PCSK5: variants seen among roughly 807,000 people sequenced by gnomAD.
The protein encoded by PCSK5 is prohormone convertase 5.
A neutral mutation model predicts 233.2 loss-of-function variants in PCSK5; 129 were observed. The ratio of observed to expected loss-of-function variants is 0.55; its 90% CI spans 0.48 to 0.64. The LOEUF is 0.64. Ranked by LOEUF, PCSK5 falls within the 30% of genes least tolerant of loss-of-function variation. PCSK5 has a pLI of 0.00. For synonymous variants in PCSK5, 825 were observed against 879.2 expected (o/e 0.94, Z 1.09); for missense variants, 2,076 against 2,430.1 (o/e 0.85, Z 3.06).
At chr9:76,310,522 A>G (rs1828834524) in intron 29 of PCSK5, 134 bp from the exon 30 acceptor site, 1 of 504,414 alleles carries the variant, frequency 2.0e-6, no homozygotes, top group Non-Finnish European at 3.4e-6. Context: ...ACTTAGCATC[A>G]CTAGCAAATA....
chr9:75,987,958 T>C (rs998995044), intron 3 of PCSK5, among the ~76,000 whole-genome samples: 1 of 152,190 alleles, frequency 6.6e-6, no homozygotes, highest in Non-Finnish European at 1.5e-5. Flanking sequence ...AACTATCTAG[T>C]AGCTTTCCCT....
At chr9:76,257,975 G>A (rs1371510380) in intron 24 of PCSK5, among the ~76,000 whole-genome samples, 1 of 152,142 alleles carries the variant, frequency 6.6e-6, no homozygotes, top group Non-Finnish European at 1.5e-5. Flanking sequence ...TATTAGGTGA[G>A]ACAAGTGAAT....
At chr9:76,027,626 T>C (rs1288687764) in intron 5 of PCSK5, among the ~76,000 whole-genome samples, 3 of 141,030 alleles carry the variant, frequency 2.1e-5, no homozygotes, top group Admixed American at 7.7e-5. Flanking sequence ...CGTTTACTAC[T>C]GTGGTTTTTA....
intron 22 of PCSK5, among the ~76,000 whole-genome samples, chr9:76,238,237 G>C (rs1157935944): frequency 6.6e-6 from 1 of 152,204 alleles, no homozygotes; most frequent in Non-Finnish European, 1.5e-5. Flanking sequence ...AGAATCCTTT[G>C]TAACTAATTG....
chr9:76,182,956 G>A (rs541063560), intron 16 of PCSK5, among the ~76,000 whole-genome samples: 28 of 152,316 alleles, frequency 1.8e-4, no homozygotes, highest in African/African-American at 6.3e-4. Context: ...ATTTCTCTGT[G>A]AGGCAGAGAG....
At chr9:76,123,861 A>C (rs1278127423) in intron 9 of PCSK5, among the ~76,000 whole-genome samples, 1 of 152,212 alleles carries the variant, frequency 6.6e-6, no homozygotes, top group Non-Finnish European at 1.5e-5. Context: ...ATTTCTTTTA[A>C]ATCAGTTCAA....
chr9:76,270,151 C>T (rs779901999), intron 24 of PCSK5, among the ~76,000 whole-genome samples: 7 of 151,810 alleles, frequency 4.6e-5, no homozygotes, highest in African/African-American at 7.3e-5. Context: ...ACCAGCAATT[C>T]GGGCAAAAAT....
At chr9:76,310,308 G>T (rs910980812) in intron 29 of PCSK5, among the ~76,000 whole-genome samples, 1 of 151,772 alleles carries the variant, frequency 6.6e-6, no homozygotes, top group African/African-American at 2.4e-5. Context: ...CTTTGGGGAA[G>T]CAGAGTATTA....
chr9:76,085,823 A>C (rs1019439988), intron 7 of PCSK5, among the ~76,000 whole-genome samples: 2 of 152,192 alleles, frequency 1.3e-5, no homozygotes, highest in African/African-American at 4.8e-5. Context: ...ACTTGGAACC[A>C]CTTCACAGTG....
chr9:76,335,261 A>G (rs1204993864), intron 34 of PCSK5, among the ~76,000 whole-genome samples: 1 of 152,194 alleles, frequency 6.6e-6, no homozygotes, highest in African/African-American at 2.4e-5. Flanking sequence ...CAGACCATGG[A>G]ATTAAGAAGA....
chr9:76,320,465 C>CTTCTTTTTTTTTTTT lies in PCSK5; in HGVS notation c.3885-955_3885-954insCTTTTTTTTTTTTTT, dbSNP rs1554720984. Among the ~76,000 whole-genome samples the CTTCTTTTTTTTTTTT allele has an allele frequency of 2.3e-4, 23 of 102,022 alleles. 1 individual carries two copies. The highest frequency in any genetic ancestry group is 3.6e-4 in the Non-Finnish European group (19 of 53,084). The allele number at this position is 102,022 out of a possible 152,430, so 66.9% of individuals were successfully genotyped here. A position where few individuals can be genotyped will look rare whatever the true frequency, so the allele number is the denominator to read the frequency against. On this transcript the variant is annotated intron_variant, in intron 30 of 37. Coordinates refer to ENST00000674117, the MANE Select transcript of PCSK5 (RefSeq NM_001372043.1). ...AAGAAAAAAAAAAAGTACATTGTAG[C>CTTCTTTTTTTTTTTT]TTTTTTTTTTTTTTTTTTTTTGAGA...
chr9:75,995,592 G>A (rs898605403), intron 3 of PCSK5, among the ~76,000 whole-genome samples: 7 of 152,086 alleles, frequency 4.6e-5, no homozygotes, highest in African/African-American at 7.2e-5. Context: ...ATATTGTTGC[G>A]ATTTGGTCCT....
In PCSK5 at chr9:76,361,366, C is replaced by CTAAA. The variant is rs1359560258; in HGVS notation, c.*2447_*2448insATAA. On this transcript the variant is annotated 3_prime_UTR_variant, in exon 38 of 38. Coordinates refer to ENST00000674117, the MANE Select transcript of PCSK5 (RefSeq NM_001372043.1). ...TCTCAAAAAATAAGTAACTAACTAA[C>CTAAA]TAACTAAATAAATAAATAAATAAAA... 7 of 151,744 alleles carry CTAAA rather than the reference C, an allele frequency of 4.6e-5. No homozygotes were observed. Among genetic ancestry groups the CTAAA allele is most frequent in the South Asian group, 2.1e-4 (1 of 4,802 alleles). The allele number at this position is 151,744 out of a possible 1,614,324, so 9.4% of individuals were successfully genotyped here. A position where few individuals can be genotyped will look rare whatever the true frequency, so the allele number is the denominator to read the frequency against.
At chr9:76,135,710 C>T (rs1412850126) in intron 10 of PCSK5, among the ~76,000 whole-genome samples, 3 of 152,054 alleles carry the variant, frequency 2.0e-5, no homozygotes, top group South Asian at 4.1e-4. Flanking sequence ...AATATAAATC[C>T]ATGAGGCTGC....
rs544784904 is a variant in PCSK5, at chr9:76,358,772, G to A, written c.5514G>A (p.Arg1838=). The A allele has an allele frequency of 3.7e-6, 6 of 1,612,916 alleles. No individual in the cohort carries two copies. The South Asian group carries it at 6.6e-5, about 18-fold the overall frequency. The part of the protein sequence containing the change: ...SFEEDQVIEY[R]DRDYDEDDDD... ...AAGAGGATCAGGTGATTGAGTACAG[G>A]GATCGGGACTATGATGAGGATGATG... The change falls in exon 38 of 38, where the codon AGG becomes AGA. Residue 1838 remains arginine (R), a synonymous_variant. Transcript: ENST00000674117.
chr9:76,341,501 C>T (rs1404929553), intron 35 of PCSK5, among the ~76,000 whole-genome samples: 1 of 151,926 alleles, frequency 6.6e-6, no homozygotes, highest in African/African-American at 2.4e-5. Context: ...GCCATGTTGC[C>T]CAGGCTGATC....
At position 76,293,296 on chromosome 9, in the gene PCSK5, C is replaced by T. The variant is rs370688088; in HGVS notation, c.3185+1021C>T. 1.8e-4 allele frequency among the ~76,000 whole-genome samples: 27 copies of T among 152,256 alleles called. No homozygotes were observed. In the South Asian group the frequency reaches 5.0e-3, roughly 28 times the overall value. ...GTGGAGGATGGGAGAGAAAGGGAAG[C>T]CCAACAAGCTGAAACATACTAAAAA... On this transcript the variant is annotated intron_variant, in intron 25 of 37. Transcript: ENST00000674117.
At chr9:76,294,066 A>G (rs1828361127) in intron 25 of PCSK5, among the ~76,000 whole-genome samples, 1 of 152,084 alleles carries the variant, frequency 6.6e-6, no homozygotes, top group Non-Finnish European at 1.5e-5. Context: ...GTGTGGTGGC[A>G]TGCATCTGTA....
chr9:76,148,586 T>C (rs917156309), intron 10 of PCSK5, among the ~76,000 whole-genome samples: 3 of 152,188 alleles, frequency 2.0e-5, no homozygotes, highest in African/African-American at 7.2e-5. Flanking sequence ...ATCAGTCATC[T>C]TTCACAAAAC....
Sources: gnomAD v4.1 joint callset for allele counts (sites outside exome capture counted in the v4.1 genomes callset) on GRCh38, gnomAD v4.1.1 for gene constraint, MANE v1.5 for transcripts, NCBI Gene and HGNC (gene_info 2026-07-23, HGNC 2026-07-21) for gene names.